AKR1C2: variants seen among roughly 807,000 people sequenced by gnomAD.
The protein encoded by AKR1C2 is aldo-keto reductase family 1 member C2, also known as 3-alpha-HSD3.
AKR1C2 carries 27 observed loss-of-function variants against 39.8 expected under a neutral mutation model. The ratio of observed to expected loss-of-function variants is 0.68; its 90% CI spans 0.50 to 0.93. AKR1C2 has a LOEUF of 0.93. Among genes scored for constraint, AKR1C2 ranks in the 40% least tolerant of loss-of-function variants. The pLI is 0.00. For missense variants in AKR1C2, 263 were observed against 365.1 expected, an observed-to-expected ratio of 0.72 and a Z score of 2.28; for synonymous variants, 114 against 137.9, an observed-to-expected ratio of 0.83 and a Z score of 1.22.
At chr10:5,017,859 C>T (rs1480311436) in intron 1 of AKR1C2, 1 of 153,230 alleles carries the variant, frequency 6.5e-6, no homozygotes, top group Non-Finnish European at 1.5e-5. Flanking sequence ...GTTCTGCAGG[C>T]TGTACAGAAG....
rs200451297 is a variant in AKR1C2, at chr10:4,996,547, A to AATATATAT, written c.571-690_571-683dup. Among the ~76,000 whole-genome samples the AATATATAT allele has an allele frequency of 3.4e-3, 486 of 144,528 alleles. 2 individuals carry two copies. Among genetic ancestry groups the AATATATAT allele is most frequent in the East Asian group, 0.021 (103 of 4,844 alleles). 94.8% of individuals were successfully genotyped at this position (144,528 alleles called of 152,430 possible). ...TCTTTCATATATATTATATATATATAATATATATATATATGCTGAGTAGAT... is the reference window on the plus strand; with the variant it reads ...TCTTTCATATATATTATATATATATAATATATATATATATATATATATGCTGAGTAGAT... On this transcript the variant is annotated intron_variant, in intron 5 of 8. Transcript: ENST00000380753.
intron 5 of AKR1C2, 126 bp downstream of exon 5, chr10:4,998,499 A>G (rs1837139070): frequency 6.6e-7 from 1 of 1,516,894 alleles, no homozygotes; most frequent in Non-Finnish European, 8.8e-7. Flanking sequence ...CCTTCTAGGA[A>G]GAGGCTTTGT....
Position 5,000,549 on chromosome 10 carries a change from C to T in AKR1C2, c.369+1G>A, listed in dbSNP as rs1330231454. The T allele has an allele frequency of 6.2e-7, 1 of 1,613,684 alleles. No homozygotes were observed. Among genetic ancestry groups the T allele is most frequent in the Non-Finnish European group, 8.5e-7 (1 of 1,179,776 alleles). On this transcript the variant is annotated splice_donor_variant, in intron 3 of 8. Coordinates refer to ENST00000380753, the MANE Select transcript of AKR1C2 (RefSeq NM_001393392.1). LOFTEE classifies it high-confidence loss of function. The stretch of plus-strand genomic sequence containing the variant: ...TTAATTTGATCACACAAGCTGCCTA[C>T]CTTTACAGACACTGGAAAATGAATA...
At chr10:5,000,795 C>T (rs1837244693) in intron 2 of AKR1C2, 129 bp from the exon 3 acceptor site, 2 of 757,168 alleles carry the variant, frequency 2.6e-6, no homozygotes, top group East Asian at 4.9e-5. Context: ...TATTCTCTCT[C>T]TTCTTGTGAT....
Position 5,000,589 on chromosome 10 carries a change from A to C in AKR1C2, c.330T>G (p.Tyr110Ter). The C allele has an allele frequency of 6.2e-7, 1 of 1,614,076 alleles. No individual in the cohort carries two copies. Residue 110 changes from tyrosine (Y) to a stop codon, truncating the protein, a stop_gained, in exon 3 of 9, where the codon TAT becomes TAG. Coordinates refer to ENST00000380753, the MANE Select transcript of AKR1C2 (RefSeq NM_001393392.1). LOFTEE classifies it high-confidence loss of function. ...ERSLKNLQLDYVDLYLIHFPV... is the reference protein window; with the variant it reads ...ERSLKNLQLD ...GAAAATGAATAAGATAGAGGTCAAC[A>C]TAGTCCAATTGAAGATTTTTCAGTG...
intron 1 of AKR1C2, among the ~76,000 whole-genome samples, chr10:5,016,519 G>A (rs1837642508): frequency 6.6e-6 from 1 of 152,210 alleles, no homozygotes; most frequent in Non-Finnish European, 1.5e-5. Flanking sequence ...TGCAAGAGGT[G>A]GGCTCCCAGG....
chr10:5,014,858 T>C (rs868941325), intron 1 of AKR1C2: 1 of 152,244 alleles, frequency 6.6e-6, no homozygotes, highest in Non-Finnish European at 1.5e-5. Flanking sequence ...GCATGGGCTA[T>C]CATGAAAGAA....
upstream of AKR1C2, chr10:5,006,367 C>A (rs1837402098): frequency 6.6e-6 from 1 of 152,034 alleles, no homozygotes; most frequent in South Asian, 2.1e-4. Flanking sequence ...TTTTGGGAGC[C>A]GAGGCAGGCG....
chr10:5,000,772 C>A (rs1170008715), intron 2 of AKR1C2, 106 bp from the exon 3 acceptor site: 7 of 942,902 alleles, frequency 7.4e-6, no homozygotes. Flanking sequence ...AAACTAATGA[C>A]CACAGGCAAA....
intron 7 of AKR1C2, among the ~76,000 whole-genome samples, chr10:4,992,507 T>C (rs1488514489): frequency 1.3e-5 from 2 of 151,968 alleles, no homozygotes; most frequent in Non-Finnish European, 2.9e-5. Context: ...GAAGGAGTAA[T>C]ACAGAAAATG....
At chr10:5,005,932 A>T (rs1382634446), upstream of AKR1C2, 1 of 152,206 alleles carries the variant, frequency 6.6e-6, no homozygotes. Context: ...AAAGGAAACA[A>T]ATTGGAGCTA....
chr10:4,997,959 A>C (rs1837117867), intron 5 of AKR1C2, among the ~76,000 whole-genome samples: 1 of 151,900 alleles, frequency 6.6e-6, no homozygotes, highest in South Asian at 2.1e-4. Flanking sequence ...GACAGACTCC[A>C]AAAAGCAGCC....
At position 4,989,265 on chromosome 10, in the gene AKR1C2, G is replaced by A. The variant is rs1489203781; in HGVS notation, c.*731C>T. Reference sequence around the variant, plus strand: ...AAAGATTCAGGCCTGACTCTCAGCTGTGGGGTTTGTTAAAACAATGTGGAA... The same window carrying A: ...AAAGATTCAGGCCTGACTCTCAGCTATGGGGTTTGTTAAAACAATGTGGAA... On this transcript the variant is annotated 3_prime_UTR_variant, in exon 9 of 9. Coordinates refer to ENST00000380753, the MANE Select transcript of AKR1C2 (RefSeq NM_001393392.1). 1 of 152,194 alleles carries A rather than the reference G, an allele frequency of 6.6e-6. No individual in the cohort carries two copies. The highest frequency in any genetic ancestry group is 2.4e-5 in the African/African-American group (1 of 41,434). The allele number at this position is 152,194 out of a possible 1,614,324, so 9.4% of individuals were successfully genotyped here. A position where few individuals can be genotyped will look rare whatever the true frequency, so the allele number is the denominator to read the frequency against.
At chr10:5,001,241 A>G (rs571294674) in intron 2 of AKR1C2, among the ~76,000 whole-genome samples, 3 of 152,326 alleles carry the variant, frequency 2.0e-5, no homozygotes, top group South Asian at 2.1e-4. Context: ...GATTAAGATT[A>G]TCTCTCATTC....
chr10:5,000,645 G>T lies in AKR1C2; in HGVS notation c.274C>A (p.Pro92Thr). 6.2e-7 allele frequency: 1 copy of T among 1,613,840 alleles called. No homozygotes were observed. The highest frequency in any genetic ancestry group is 8.5e-7 in the Non-Finnish European group (1 of 1,179,856). The change falls in exon 3 of 9, where the codon CCA becomes ACA. Residue 92 changes from proline to threonine, a missense_variant. Pro to Thr is a conservative substitution (Grantham distance 38). Around this residue, in one of 3 missense-constraint regions of AKR1C2, gnomAD observed 247 missense variants for 267.9 expected, o/e 0.92. Coordinates refer to ENST00000380753, the MANE Select transcript of AKR1C2 (RefSeq NM_001393392.1). ...TCCAAGGCTGGTCGGACCAACTCTG[G>T]TCGATGGGAATTGCTCCAAAGCTGC... ...TSKLWSNSHRPELVRPALERS... is the reference protein window; with the variant it reads ...TSKLWSNSHRTELVRPALERS...
chr10:5,009,799 A>G (rs1394435639), intron 1 of AKR1C2, among the ~76,000 whole-genome samples: 1 of 152,124 alleles, frequency 6.6e-6, no homozygotes, highest in Admixed American at 6.5e-5. Flanking sequence ...GATGGACGGC[A>G]GAACAATGAC....
At chr10:5,006,715 A>G (rs1242758599), upstream of AKR1C2, 3 of 151,696 alleles carry the variant, frequency 2.0e-5, no homozygotes, top group Non-Finnish European at 4.4e-5. Flanking sequence ...ATAGTAGGTG[A>G]TATATTTAAT....
upstream of AKR1C2, among the ~76,000 whole-genome samples, chr10:5,007,741 A>G (rs1837434903): frequency 6.6e-6 from 1 of 151,696 alleles, no homozygotes; most frequent in African/African-American, 2.4e-5. Context: ...GCAAAGATTT[A>G]TCTGAGATCC....
chr10:5,015,109 C>T (rs1350518101), intron 1 of AKR1C2: 8 of 152,146 alleles, frequency 5.3e-5, no homozygotes, highest in African/African-American at 1.4e-4. Flanking sequence ...CAGATCTGGT[C>T]GCCTGGAAGA....
Sources: gnomAD v4.1 joint callset for allele counts (sites outside exome capture counted in the v4.1 genomes callset) on GRCh38, gnomAD v4.1.1 for gene constraint, gnomAD v4.1.1 regional missense constraint, MANE v1.5 for transcripts, NCBI Gene and HGNC (gene_info 2026-07-23, HGNC 2026-07-21) for gene names.